Variants in DOCK5 observed in about 807,000 individuals in gnomAD.
DOCK5 encodes dedicator of cytokinesis protein 5.
In DOCK5, 142 loss-of-function variants were observed where a neutral mutation model predicts 251.8. The observed-to-expected ratio is 0.56, with a 90% CI of 0.49 to 0.65. The LOEUF is 0.65. Among genes scored for constraint, DOCK5 ranks in the 30% least tolerant of loss-of-function variants. The probability of loss-of-function intolerance (pLI) is 0.00; values close to 1 mark genes in which losing one functional copy is unlikely to be tolerated. For synonymous variants in DOCK5, 842 were observed against 835.5 expected, an observed-to-expected ratio of 1.01 and a Z score of -0.13; for missense variants, 2,111 against 2,312.3, an observed-to-expected ratio of 0.91 and a Z score of 1.79.
chr8:25,264,847 C>CA (rs111888112), intron 2 of DOCK5, among the ~76,000 whole-genome samples: 16 of 151,362 alleles, frequency 1.1e-4, no homozygotes, highest in South Asian at 1.0e-3. Context: ...ACAACAACAA[C>CA]AAAAAAAACA....
intron 7 of DOCK5, among the ~76,000 whole-genome samples, chr8:25,298,621 G>A (rs1804678157): frequency 6.6e-6 from 1 of 152,088 alleles, no homozygotes; most frequent in Non-Finnish European, 1.5e-5. Context: ...GATTGATTGA[G>A]ACAGGGTCTC....
At chr8:25,398,001 A>T (rs749602215) in intron 45 of DOCK5, among the ~76,000 whole-genome samples, 2 of 150,136 alleles carry the variant, frequency 1.3e-5, no homozygotes, top group African/African-American at 4.9e-5. Flanking sequence ...TACATATTTG[A>T]TGTAATATGT....
intron 2 of DOCK5, among the ~76,000 whole-genome samples, chr8:25,246,804 C>T (rs1415367131): frequency 6.7e-6 from 1 of 149,598 alleles, no homozygotes. Flanking sequence ...GTTGTTTTGT[C>T]AAGCTTTTCT....
At chr8:25,402,591 C>T (rs931613813) in intron 47 of DOCK5, among the ~76,000 whole-genome samples, 3 of 151,656 alleles carry the variant, frequency 2.0e-5, no homozygotes, top group East Asian at 2.0e-4. Context: ...CCACCGCGCC[C>T]GGCCCACACC....
intron 8 of DOCK5, 172 bp downstream of exon 8, chr8:25,299,273 C>G (rs890281019): frequency 1.5e-6 from 1 of 681,138 alleles, no homozygotes; most frequent in Non-Finnish European, 2.3e-6. Context: ...TCATATGTCA[C>G]TACTAGAACA....
intron 37 of DOCK5, chr8:25,375,608 T>C: frequency 1.2e-6 from 1 of 859,416 alleles, no homozygotes; most frequent in Non-Finnish European, 1.4e-6. Flanking sequence ...CCTTGAGCAC[T>C]ACAGCAGCCT....
At chr8:25,361,123 C>T (rs145996726) in intron 28 of DOCK5, among the ~76,000 whole-genome samples, 2 of 152,266 alleles carry the variant, frequency 1.3e-5, no homozygotes, top group South Asian at 4.1e-4. Flanking sequence ...GTGGATAAAA[C>T]CAGGCTTTGG....
chr8:25,200,603 A>G (rs953280040), intron 1 of DOCK5, among the ~76,000 whole-genome samples: 6 of 152,218 alleles, frequency 3.9e-5, no homozygotes, highest in African/African-American at 1.2e-4. Context: ...TTCCAGCTGT[A>G]TGAAAGATAA....
intron 3 of DOCK5, chr8:25,271,054 T>G (rs1166399518): frequency 4.7e-6 from 2 of 427,222 alleles, no homozygotes; most frequent in African/African-American, 2.0e-5. Context: ...GAACCCATGA[T>G]ATGGAGGGCC....
intron 10 of DOCK5, among the ~76,000 whole-genome samples, chr8:25,302,857 A>T (rs1456637651): frequency 6.6e-6 from 1 of 152,216 alleles, no homozygotes; most frequent in Non-Finnish European, 1.5e-5. Flanking sequence ...AGGCACCTAG[A>T]GTAGTCAAAT....
At chr8:25,336,528 G>A (rs192570847) in intron 22 of DOCK5, among the ~76,000 whole-genome samples, 155 bp downstream of exon 22, 30 of 152,294 alleles carry the variant, frequency 2.0e-4, no homozygotes, top group African/African-American at 6.7e-4. Context: ...TTTGGGCTGC[G>A]TGTCTGTTGG....
chr8:25,374,721 C>G (rs1163477696), intron 37 of DOCK5, 67 bp downstream of exon 37: 2 of 1,612,268 alleles, frequency 1.2e-6, no homozygotes, highest in Non-Finnish European at 1.7e-6. Context: ...AAATTCTATA[C>G]ATTTCATGAT....
At chr8:25,316,864 C>T in intron 13 of DOCK5, 143 bp from the exon 14 acceptor site, 5 of 962,878 alleles carry the variant, frequency 5.2e-6, no homozygotes, top group Non-Finnish European at 7.4e-6. Context: ...ACAGCAAACG[C>T]ATATGAAAGC....
intron 48 of DOCK5, among the ~76,000 whole-genome samples, chr8:25,407,153 T>A (rs1265199922): frequency 6.6e-6 from 1 of 152,114 alleles, no homozygotes; most frequent in Non-Finnish European, 1.5e-5. Context: ...AGCAAACATA[T>A]TTGGACATGT....
At position 25,302,356 on chromosome 8, in the gene DOCK5, G is replaced by A. The variant is rs765575956; in HGVS notation, c.878G>A (p.Arg293His). The A allele has an allele frequency of 1.2e-5, 19 of 1,613,142 alleles. No individual in the cohort carries two copies. The highest frequency in any genetic ancestry group is 4.5e-5 in the East Asian group (2 of 44,868). The change falls in exon 10 of 52, where the codon CGC becomes CAC. Residue 293 changes from arginine to histidine, a missense_variant. Physicochemically the swap from Arg to His is conservative, Grantham distance 29. Transcript: ENST00000276440. ...DLSSMDLIRPRVSLVCQIVRV... is the reference protein window; with the variant it reads ...DLSSMDLIRPHVSLVCQIVRV... Reference sequence around the variant, plus strand: ...AGCAGCATGGACCTCATCCGGCCCCGCGTCAGCCTTGTGTGCCAGATTGTC... The same window carrying A: ...AGCAGCATGGACCTCATCCGGCCCCACGTCAGCCTTGTGTGCCAGATTGTC...
rs1800873137 is a variant in DOCK5 at position 25,371,550 on chromosome 8, AAT to A, written c.3525-1007_3525-1006del. On this transcript the variant is annotated intron_variant, in intron 34 of 51. Coordinates refer to ENST00000276440, the MANE Select transcript of DOCK5 (RefSeq NM_024940.8). ...TAGAAGCCTTTCTTGTTTTGTTTTT[AAT>A]AGTGACAAGACCTTTTATTGGTCTT... 2.0e-5 allele frequency among the ~76,000 whole-genome samples: 3 copies of A among 152,322 alleles called. No individual in the cohort carries two copies. In the South Asian group the frequency reaches 6.2e-4, roughly 32 times the overall value.
chr8:25,203,527 A>G (rs1246551103), intron 1 of DOCK5, among the ~76,000 whole-genome samples: 1 of 152,206 alleles, frequency 6.6e-6, no homozygotes, highest in African/African-American at 2.4e-5. Context: ...TGAATGAGAA[A>G]TGGGTATACT....
intron 26 of DOCK5, among the ~76,000 whole-genome samples, chr8:25,348,052 C>T (rs1425566838): frequency 6.6e-6 from 1 of 152,110 alleles, no homozygotes; most frequent in Non-Finnish European, 1.5e-5. Context: ...AGTAGTAAGT[C>T]CAATCGTTTT....
At chr8:25,401,095 C>G in intron 47 of DOCK5, 29 bp downstream of exon 47, 1 of 1,610,614 alleles carries the variant, frequency 6.2e-7, no homozygotes, top group Non-Finnish European at 8.5e-7. Context: ...GCCTTCACAC[C>G]TTTTTCTAGG....
Sources: gnomAD v4.1 joint callset for allele counts (sites outside exome capture counted in the v4.1 genomes callset) on GRCh38, gnomAD v4.1.1 for gene constraint, MANE v1.5 for transcripts, NCBI Gene and HGNC (gene_info 2026-07-23, HGNC 2026-07-21) for gene names.